The following THSD7A variants were observed in gnomAD, a reference collection of about 807,000 sequenced individuals.
THSD7A encodes the protein thrombospondin type-1 domain-containing protein 7A.
Under a neutral mutation model 231.3 loss-of-function variants are expected in THSD7A, and 96 were observed. That is an observed-to-expected ratio of 0.41 (90% CI 0.35 to 0.49). The LOEUF (loss-of-function observed/expected upper bound fraction) is 0.49, where lower values mean the gene tolerates loss of function less well. Among genes scored for constraint, THSD7A ranks in the 20% least tolerant of loss-of-function variants. THSD7A has a pLI of 0.05. For missense variants in THSD7A, 2,290 were observed against 2,070.2 expected, an observed-to-expected ratio of 1.11 and a Z score of -2.06; for synonymous variants, 940 against 743.3, an observed-to-expected ratio of 1.26 and a Z score of -4.30.
intron 1 of THSD7A, among the ~76,000 whole-genome samples, chr7:11,733,170 C>T (rs987838446): frequency 7.2e-5 from 11 of 151,786 alleles, no homozygotes; most frequent in African/African-American, 2.7e-4. Context: ...AAAAATCAAT[C>T]AGTGAATTGG....
At position 11,831,927 on chromosome 7, in the gene THSD7A, C is replaced by A. The variant is rs565306602; in HGVS notation, c.20G>T (p.Arg7Leu). 32 of 1,235,408 alleles carry A rather than the reference C, an allele frequency of 2.6e-5. 1 individual carries two copies. In the South Asian group the frequency reaches 1.2e-3, roughly 45 times the overall value. The allele number at this position is 1,235,408 out of a possible 1,614,324, so 76.5% of individuals were successfully genotyped here. ...AGCGCCCCGGCTCCCGGACGCCCAG[C>A]GCCTGGCTTGCAGCCCCATGCCGCC... MGLQAR[R>L]WASGSRGAAG... Residue 7 changes from arginine to leucine, a missense_variant, in exon 1 of 28, where the codon CGC (arginine) becomes CTC (leucine). Physicochemically the swap from Arg to Leu is moderately radical, Grantham distance 102. Coordinates refer to ENST00000423059, the MANE Select transcript of THSD7A (RefSeq NM_015204.3). The surrounding 1 kb of genome is among the most constrained non-coding windows in gnomAD (Gnocchi z 5.0).
chr7:11,528,088 G>A (rs1383838677), intron 6 of THSD7A, among the ~76,000 whole-genome samples: 1 of 152,116 alleles, frequency 6.6e-6, no homozygotes, highest in African/African-American at 2.4e-5. Flanking sequence ...GATCATTTGA[G>A]CCCAGGAGTT....
intron 1 of THSD7A, among the ~76,000 whole-genome samples, chr7:11,676,626 A>T (rs1783647950): frequency 6.6e-6 from 1 of 152,156 alleles, no homozygotes; most frequent in Non-Finnish European, 1.5e-5. Context: ...GAGCACACAG[A>T]AGTATCAATA....
chr7:11,390,751 T>G (rs960434999), intron 23 of THSD7A, among the ~76,000 whole-genome samples: 6 of 152,172 alleles, frequency 3.9e-5, no homozygotes, highest in Admixed American at 2.0e-4. Flanking sequence ...GGTGTTTGAT[T>G]TTGGTGACCT....
intron 1 of THSD7A, among the ~76,000 whole-genome samples, chr7:11,644,347 A>G (rs985330863): frequency 2.0e-5 from 3 of 152,006 alleles, no homozygotes; most frequent in African/African-American, 7.2e-5. Context: ...TTATAAATAT[A>G]TGCTCTGCCT....
intron 6 of THSD7A, among the ~76,000 whole-genome samples, chr7:11,510,850 A>T (rs1787777427): frequency 6.6e-6 from 1 of 152,154 alleles, no homozygotes; most frequent in Non-Finnish European, 1.5e-5. Context: ...AAAAACTGGA[A>T]GCATTCCCTT....
chr7:11,535,831 T>G (rs73286893), intron 6 of THSD7A, among the ~76,000 whole-genome samples: 12,538 of 152,152 alleles, frequency 0.082, 794 homozygotes, highest in East Asian at 0.18. Flanking sequence ...TGATCTGAAC[T>G]CAAGGTTCTC....
intron 1 of THSD7A, among the ~76,000 whole-genome samples, chr7:11,802,246 C>A (rs1225896653): frequency 6.6e-5 from 10 of 152,180 alleles, no homozygotes; most frequent in African/African-American, 2.2e-4. Flanking sequence ...TTGACCCCTG[C>A]ATTATCATTG....
Position 11,593,292 on chromosome 7 carries a change from G to C in THSD7A, c.1233C>G (p.Pro411=). 1.2e-6 allele frequency: 2 copies of C among 1,613,956 alleles called. No individual in the cohort carries two copies. The highest frequency in any genetic ancestry group is 2.2e-5 in the East Asian group (1 of 44,880). The change falls in exon 3 of 28, where the codon CCC becomes CCG. Residue 411 remains proline, a synonymous_variant. Coordinates refer to ENST00000423059, the MANE Select transcript of THSD7A (RefSeq NM_015204.3). ...KECPEFEEKE[P]CLSQGDGVVP... ...CAACTCCATCTCCTTGAGACAAACA[G>C]GGTTCTTTTTCTTCAAATTCTGGAC...
At chr7:11,432,760 G>A (rs1198980865) in intron 13 of THSD7A, among the ~76,000 whole-genome samples, 2 of 152,004 alleles carry the variant, frequency 1.3e-5, no homozygotes, top group Non-Finnish European at 2.9e-5. Context: ...ATTATTAACA[G>A]TGCTGCTATG....
chr7:11,573,954 T>C (rs1335338171), intron 4 of THSD7A, among the ~76,000 whole-genome samples: 1 of 152,200 alleles, frequency 6.6e-6, no homozygotes, highest in Admixed American at 6.5e-5. Flanking sequence ...ATCATGGAGC[T>C]CCTACTATTC....
intron 6 of THSD7A, among the ~76,000 whole-genome samples, chr7:11,483,068 G>A (rs1240550399): frequency 1.3e-5 from 2 of 152,124 alleles, no homozygotes; most frequent in African/African-American, 4.8e-5. Flanking sequence ...TCATAATTCT[G>A]GGTGAATATA....
At chr7:11,650,321 A>G (rs1371486582) in intron 1 of THSD7A, among the ~76,000 whole-genome samples, 1 of 152,032 alleles carries the variant, frequency 6.6e-6, no homozygotes, top group Admixed American at 6.6e-5. Flanking sequence ...TGAATCTTTG[A>G]TGCAACAATA....
intron 6 of THSD7A, among the ~76,000 whole-genome samples, chr7:11,501,526 G>A (rs572221607): frequency 5.1e-4 from 77 of 152,262 alleles, no homozygotes; most frequent in African/African-American, 1.9e-3. Context: ...GCTCCTGAAT[G>A]GCTTTTGGGT....
At chr7:11,591,987 G>A (rs1780183767) in intron 3 of THSD7A, among the ~76,000 whole-genome samples, 2 of 152,164 alleles carry the variant, frequency 1.3e-5, no homozygotes, top group Non-Finnish European at 2.9e-5. Flanking sequence ...AAGGATATAT[G>A]TTTATTTTGT....
At chr7:11,659,039 T>C (rs1181736949) in intron 1 of THSD7A, among the ~76,000 whole-genome samples, 1 of 151,702 alleles carries the variant, frequency 6.6e-6, no homozygotes, top group East Asian at 1.9e-4. Context: ...ATTTTAGGTT[T>C]TGAACTCACT....
At chr7:11,491,456 A>G (rs919058979) in intron 6 of THSD7A, among the ~76,000 whole-genome samples, 1 of 152,042 alleles carries the variant, frequency 6.6e-6, no homozygotes, top group Non-Finnish European at 1.5e-5. Flanking sequence ...ACTTTTCAAA[A>G]CTGTAATTTA....
At chr7:11,740,026 A>G (rs1473780788) in intron 1 of THSD7A, among the ~76,000 whole-genome samples, 2 of 152,018 alleles carry the variant, frequency 1.3e-5, no homozygotes, top group Admixed American at 6.6e-5. Context: ...ACAGTCTGTC[A>G]TGAGGGAGGA....
intron 1 of THSD7A, among the ~76,000 whole-genome samples, chr7:11,789,684 T>G (rs1264545597): frequency 6.6e-6 from 1 of 152,036 alleles, no homozygotes; most frequent in Non-Finnish European, 1.5e-5. Flanking sequence ...TAGAACTTAC[T>G]CATCTTGCAT....
Sources: allele counts gnomAD v4.1 joint callset (sites outside exome capture counted in the v4.1 genomes callset), GRCh38; gene constraint gnomAD v4.1.1; non-coding constraint Gnocchi (gnomAD v3.1); transcripts MANE v1.5; gene names NCBI Gene and HGNC (gene_info 2026-07-23, HGNC 2026-07-21).